Variants in SLC30A9 observed in about 807,000 individuals in gnomAD.
SLC30A9 encodes the protein proton-coupled zinc antiporter SLC30A9, mitochondrial.
SLC30A9 carries 58 observed loss-of-function variants against 87.5 expected under a neutral mutation model. The observed-to-expected ratio is 0.66, with a 90% CI of 0.54 to 0.82. The LOEUF is 0.82. Among genes scored for constraint, SLC30A9 ranks in the 40% least tolerant of loss-of-function variants. The pLI is 0.00. For synonymous variants in SLC30A9, 234 were observed against 233.0 expected, an observed-to-expected ratio of 1.00 and a Z score of -0.04; for missense variants, 557 against 679.1, an observed-to-expected ratio of 0.82 and a Z score of 2.00.
intron 7 of SLC30A9, among the ~76,000 whole-genome samples, chr4:42,037,322 G>C (rs997783516): frequency 8.2e-6 from 1 of 122,464 alleles, no homozygotes; most frequent in African/African-American, 2.9e-5. Flanking sequence ...CTTATCTCAT[G>C]AGAACTCCAA....
chr4:42,020,542 G>A, intron 4 of SLC30A9, 27 bp downstream of exon 4: 1 of 1,205,840 alleles, frequency 8.3e-7, no homozygotes, highest in South Asian at 1.2e-5. Context: ...ATGTAGCCGT[G>A]TGTCATATCT....
chr4:42,003,711 C>G (rs1371975363), intron 2 of SLC30A9, among the ~76,000 whole-genome samples: 2 of 152,058 alleles, frequency 1.3e-5, no homozygotes, highest in Non-Finnish European at 2.9e-5. Flanking sequence ...AAACATATTT[C>G]TACCATTTTA....
chr4:41,999,019 G>A, intron 1 of SLC30A9, among the ~76,000 whole-genome samples: 1 of 152,162 alleles, frequency 6.6e-6, no homozygotes, highest in East Asian at 1.9e-4. Context: ...CAAAGATTAT[G>A]AAGATAGTGT....
intron 2 of SLC30A9, among the ~76,000 whole-genome samples, chr4:42,015,282 T>C (rs1715666894): frequency 6.6e-6 from 1 of 151,858 alleles, no homozygotes. Context: ...ACAATAGAAA[T>C]ACAGTCTTAT....
intron 8 of SLC30A9, 56 bp downstream of exon 8, chr4:42,039,109 A>G (rs1409967318): frequency 6.3e-5 from 77 of 1,226,542 alleles, no homozygotes; most frequent in Non-Finnish European, 8.6e-5. Flanking sequence ...AAATATGTAT[A>G]TCCTTAAATA....
intron 1 of SLC30A9, among the ~76,000 whole-genome samples, chr4:41,991,872 G>C (rs140299467): frequency 3.9e-5 from 6 of 152,236 alleles, no homozygotes; most frequent in African/African-American, 1.4e-4. Flanking sequence ...ATATAAATTA[G>C]AATATATTCG....
At chr4:42,018,354 T>G (rs1296795997) in intron 3 of SLC30A9, 184 bp downstream of exon 3, 1 of 996,548 alleles carries the variant, frequency 1.0e-6, no homozygotes, top group African/African-American at 1.7e-5. Context: ...TCTATTAAAT[T>G]TATTTTGCAT....
chr4:42,085,497 C>T (rs9990477), intron 17 of SLC30A9, among the ~76,000 whole-genome samples: 99,130 of 151,968 alleles, frequency 0.65, 36,821 homozygotes, highest in East Asian at 0.96. Flanking sequence ...TACATGTGCT[C>T]ATGTAACACA....
At chr4:42,040,934 A>C (rs1716898559) in intron 8 of SLC30A9, among the ~76,000 whole-genome samples, 1 of 152,198 alleles carries the variant, frequency 6.6e-6, no homozygotes, top group African/African-American at 2.4e-5. Flanking sequence ...GACATACCCA[A>C]GACTGGGCAA....
In SLC30A9 at chr4:42,078,478, T is replaced by A; in HGVS notation, c.1662+153T>A. On this transcript the variant is annotated intron_variant, in intron 17 of 17. Transcript: ENST00000264451. Reference sequence around the variant, plus strand: ...AGGTATTTATAAGCAAGAAAATGACTGGGTTAGATAAGTTGAATAATTTAC... The same window carrying A: ...AGGTATTTATAAGCAAGAAAATGACAGGGTTAGATAAGTTGAATAATTTAC... The A allele has an allele frequency of 2.1e-5, 10 of 470,824 alleles. 1 individual carries two copies. In the South Asian group the frequency reaches 3.3e-4, roughly 16 times the overall value. 29.2% of individuals were successfully genotyped at this position (470,824 alleles called of 1,614,324 possible).
At chr4:42,083,383 T>C (rs1718808686) in intron 17 of SLC30A9, among the ~76,000 whole-genome samples, 1 of 152,212 alleles carries the variant, frequency 6.6e-6, no homozygotes, top group Admixed American at 6.5e-5. Context: ...AAATTTTAAA[T>C]TGGATACCAA....
Position 42,066,684 on chromosome 4 carries a change from C to G in SLC30A9, c.1144+63C>G, listed in dbSNP as rs572196843. 8 of 1,048,428 alleles carry G rather than the reference C, an allele frequency of 7.6e-6. No homozygotes were observed. In the Admixed American group the frequency reaches 1.3e-4, roughly 17 times the overall value. 64.9% of individuals were successfully genotyped at this position (1,048,428 alleles called of 1,614,324 possible). ...CTTATTTGCTTAAAATTACTTAGTA[C>G]TGTTATTGCTTTGTTCCTAATAGAA... On this transcript the variant is annotated intron_variant, in intron 13 of 17. Transcript: ENST00000264451.
Position 42,020,513 on chromosome 4 carries a change from C to CA in SLC30A9, c.433dup (p.Ser145LysfsTer2). The CA allele has an allele frequency of 1.3e-6, 2 of 1,562,420 alleles. No homozygotes were observed. Among genetic ancestry groups the CA allele is most frequent in the Non-Finnish European group, 1.8e-6 (2 of 1,139,616 alleles). ...CGATAAATGAGTTCTGCCTCAAATCCAGGTAATTTTTTTAAAAAATGTAGC... is the reference window on the plus strand; with the variant it reads ...CGATAAATGAGTTCTGCCTCAAATCCAAGGTAATTTTTTTAAAAAATGTAGC... On this transcript the variant is annotated frameshift_variant and splice_region_variant, in exon 4 of 18. Transcript: ENST00000264451. LOFTEE classifies it high-confidence loss of function.
chr4:41,993,996 A>C (rs1714576462), intron 1 of SLC30A9, among the ~76,000 whole-genome samples: 1 of 152,208 alleles, frequency 6.6e-6, no homozygotes, highest in African/African-American at 2.4e-5. Context: ...ATCTCTACCA[A>C]AAATACAAAA....
chr4:42,083,634 C>T (rs1718816580), intron 17 of SLC30A9, among the ~76,000 whole-genome samples: 1 of 149,942 alleles, frequency 6.7e-6, no homozygotes, highest in South Asian at 2.2e-4. Context: ...TATTAGTACA[C>T]ATTTATTTAT....
intron 15 of SLC30A9, among the ~76,000 whole-genome samples, chr4:42,071,060 TG>T (rs1463044719): frequency 1.3e-5 from 2 of 152,110 alleles, no homozygotes; most frequent in Non-Finnish European, 2.9e-5. Flanking sequence ...AAAAGATTTT[TG>T]TTCATTGGGC....
chr4:42,029,892 G>A (rs1399138333), intron 6 of SLC30A9: 1 of 704,884 alleles, frequency 1.4e-6, no homozygotes, highest in East Asian at 3.0e-5. Flanking sequence ...AAATAGAAAT[G>A]TGGAGTATTT....
intron 9 of SLC30A9, among the ~76,000 whole-genome samples, chr4:42,053,431 C>G (rs1404848544): frequency 1.3e-5 from 2 of 152,100 alleles, no homozygotes; most frequent in African/African-American, 4.8e-5. Flanking sequence ...TGGCTCACGT[C>G]TGTAATCCGA....
chr4:42,057,855 G>C (rs549511106), intron 9 of SLC30A9, among the ~76,000 whole-genome samples: 6 of 152,272 alleles, frequency 3.9e-5, no homozygotes, highest in African/African-American at 1.4e-4. Context: ...TGTAATCCCA[G>C]CACTTTGGGA....
Sources: allele counts gnomAD v4.1 joint callset (sites outside exome capture counted in the v4.1 genomes callset), GRCh38; gene constraint gnomAD v4.1.1; transcripts MANE v1.5; gene names NCBI Gene and HGNC (gene_info 2026-07-23, HGNC 2026-07-21).